ABL2: variants seen among roughly 807,000 people sequenced by gnomAD.
The protein encoded by ABL2 is tyrosine-protein kinase ABL2.
In ABL2, 49 loss-of-function variants were observed where a neutral mutation model predicts 107.7. That is an observed-to-expected ratio of 0.45 (90% CI 0.36 to 0.58). The LOEUF (loss-of-function observed/expected upper bound fraction) is 0.58, where lower values mean the gene tolerates loss of function less well. ABL2 is among the 20% of genes least tolerant of loss of function. The probability of loss-of-function intolerance (pLI) is 0.00; values close to 1 mark genes in which losing one functional copy is unlikely to be tolerated. For synonymous variants in ABL2, 549 were observed against 548.6 expected (o/e 1.00, Z -0.01); for missense variants, 1,245 against 1,457.0 (o/e 0.85, Z 2.37).
At chr1:179,150,991 T>C (rs968651936) in intron 1 of ABL2, among the ~76,000 whole-genome samples, 1 of 152,186 alleles carries the variant, frequency 6.6e-6, no homozygotes, top group Non-Finnish European at 1.5e-5. Flanking sequence ...TTTTTAGCAA[T>C]GAAGTATTTT....
intron 1 of ABL2, chr1:179,183,725 T>A (rs926652485): frequency 3.3e-5 from 5 of 152,540 alleles, no homozygotes; most frequent in African/African-American, 9.6e-5. Context: ...CATTTCTTCA[T>A]CTGTAAAATT....
At chr1:179,189,451 A>C (rs532127765) in intron 1 of ABL2, among the ~76,000 whole-genome samples, 1 of 152,190 alleles carries the variant, frequency 6.6e-6, no homozygotes. Context: ...AGGGTATTTT[A>C]ATAAGACTCT....
chr1:179,215,984 A>C (rs1662543055), intron 1 of ABL2, among the ~76,000 whole-genome samples: 1 of 152,254 alleles, frequency 6.6e-6, no homozygotes, highest in Admixed American at 6.5e-5. Flanking sequence ...ATTATGTATT[A>C]TACTAAGCTC....
chr1:179,223,707 A>G (rs1663010378), intron 1 of ABL2, among the ~76,000 whole-genome samples: 1 of 152,044 alleles, frequency 6.6e-6, no homozygotes, highest in African/African-American at 2.4e-5. Flanking sequence ...AATAAAAATA[A>G]AAAATGAAGT....
chr1:179,200,014 A>C (rs1393634072), intron 1 of ABL2, among the ~76,000 whole-genome samples: 1 of 138,868 alleles, frequency 7.2e-6, no homozygotes, highest in Non-Finnish European at 1.5e-5. Context: ...TACAAGCATG[A>C]GCCACTGCAC....
chr1:179,119,632 G>A (rs1031212413), intron 6 of ABL2, among the ~76,000 whole-genome samples: 1 of 151,392 alleles, frequency 6.6e-6, no homozygotes, highest in Non-Finnish European at 1.5e-5. Context: ...GACCTGAACA[G>A]TGAAAAGCCA....
chr1:179,104,560 G>C lies in ABL2; in HGVS notation c.*3158C>G, dbSNP rs1287610105. The C allele has an allele frequency of 4.8e-6, 1 of 208,648 alleles. No individual in the cohort carries two copies. Among genetic ancestry groups the C allele is most frequent in the Admixed American group, 5.9e-5 (1 of 16,954 alleles). 12.9% of individuals were successfully genotyped at this position (208,648 alleles called of 1,614,324 possible). On this transcript the variant is annotated 3_prime_UTR_variant, in exon 12 of 12. Coordinates refer to ENST00000502732, the MANE Select transcript of ABL2 (RefSeq NM_007314.4). ...AGAAAAACACTGAATGAATTTCTTA[G>C]GGCCAAATTTTTTAAGGCTAATCTC...
intron 1 of ABL2, among the ~76,000 whole-genome samples, chr1:179,209,031 C>T (rs1346837307): frequency 2.0e-5 from 3 of 152,144 alleles, no homozygotes; most frequent in Admixed American, 1.3e-4. Flanking sequence ...TCTTTCTGTG[C>T]TCTAAGACTG....
chr1:179,179,946 C>G, intron 1 of ABL2, among the ~76,000 whole-genome samples: 1 of 123,880 alleles, frequency 8.1e-6, no homozygotes, highest in South Asian at 2.6e-4. Context: ...ACTAAAAATA[C>G]AAAAAAAAAA....
Position 179,115,502 on chromosome 1 carries a change from T to C in ABL2, c.1409-472A>G, listed in dbSNP as rs919622501. Among the ~76,000 whole-genome samples, 7 of 152,320 alleles carry C rather than the reference T, an allele frequency of 4.6e-5. No individual in the cohort carries two copies. In the South Asian group the frequency reaches 1.5e-3, roughly 32 times the overall value. The stretch of plus-strand genomic sequence containing the variant: ...TTGCATGCTGCCTTGAGTTGCATGA[T>C]GAACTCTCAAGCCATGCTTCTCCTT... On this transcript the variant is annotated intron_variant, in intron 8 of 11. Transcript: ENST00000502732.
chr1:179,164,051 AAT>A (rs1021834231), intron 1 of ABL2, among the ~76,000 whole-genome samples: 1 of 152,064 alleles, frequency 6.6e-6, no homozygotes, highest in African/African-American at 2.4e-5. Context: ...AAAGGGGGGG[AAT>A]ATGTGACTAC....
chr1:179,216,747 CGT>C (rs1476688930), intron 1 of ABL2, among the ~76,000 whole-genome samples: 1 of 151,134 alleles, frequency 6.6e-6, no homozygotes, highest in Admixed American at 6.6e-5. Flanking sequence ...ACTGCAGTGG[CGT>C]GATCTGGGCC....
At chr1:179,197,867 C>CAA (rs71804838) in intron 1 of ABL2, among the ~76,000 whole-genome samples, 13,163 of 137,034 alleles carry the variant, frequency 0.096, 668 homozygotes, top group Middle Eastern at 0.12. Context: ...GAAACTGTCT[C>CAA]AAAAAAAAAA....
At chr1:179,201,125 A>T (rs564156075) in intron 1 of ABL2, among the ~76,000 whole-genome samples, 1 of 152,302 alleles carries the variant, frequency 6.6e-6, no homozygotes, top group South Asian at 2.1e-4. Flanking sequence ...AAGTTCCTAG[A>T]TGCCAGCCAA....
intron 1 of ABL2, among the ~76,000 whole-genome samples, chr1:179,163,916 C>T (rs1447106988): frequency 6.6e-6 from 1 of 152,134 alleles, no homozygotes; most frequent in African/African-American, 2.4e-5. Context: ...ATCTCAAAGG[C>T]ATTTTGCTGA....
At chr1:179,147,867 A>G (rs2791936) in intron 1 of ABL2, among the ~76,000 whole-genome samples, 75,199 of 151,948 alleles carry the variant, frequency 0.49, 18,784 homozygotes, top group Admixed American at 0.54. Context: ...AGCAATAGAG[A>G]GACCTCAGCT....
intron 1 of ABL2, among the ~76,000 whole-genome samples, chr1:179,177,511 C>T (rs1660118036): frequency 6.6e-6 from 1 of 152,184 alleles, no homozygotes; most frequent in Admixed American, 6.5e-5. Context: ...CCTTCCTTAT[C>T]CAACAAAACT....
chr1:179,107,876 G>A lies in ABL2; in HGVS notation c.3391C>T (p.Arg1131Cys), dbSNP rs1000903902. 3.7e-6 allele frequency: 6 copies of A among 1,614,214 alleles called. No individual in the cohort carries two copies. Among genetic ancestry groups the A allele is most frequent in the Non-Finnish European group, 5.1e-6 (6 of 1,180,036 alleles). Residue 1131 changes from arginine to cysteine, a missense_variant, in exon 12 of 12, where the codon CGC becomes TGC. Physicochemically the swap from Arg to Cys is radical, Grantham distance 180. Transcript: ENST00000502732. ...GCCTCTCGGAAGGCAAATTTGTTGCGAGTTTGAGGGATGCAGTCCACATAG... is the reference window on the plus strand; with the variant it reads ...GCCTCTCGGAAGGCAAATTTGTTGCAAGTTTGAGGGATGCAGTCCACATAG... ...SGYVDCIPQT[R>C]NKFAFREAVS...
chr1:179,118,116 G>A (rs1301804018), intron 7 of ABL2, among the ~76,000 whole-genome samples: 1 of 151,444 alleles, frequency 6.6e-6, no homozygotes, highest in African/African-American at 2.4e-5. Flanking sequence ...TCGCATCACT[G>A]CATTCCAGCC....
Sources: allele counts gnomAD v4.1 joint callset (sites outside exome capture counted in the v4.1 genomes callset), GRCh38; gene constraint gnomAD v4.1.1; transcripts MANE v1.5; gene names NCBI Gene and HGNC (gene_info 2026-07-23, HGNC 2026-07-21).